The following PLCD3 variants were observed in gnomAD, a reference collection of about 807,000 sequenced individuals.
PLCD3 encodes the protein 1-phosphatidylinositol 4,5-bisphosphate phosphodiesterase delta-3.
PLCD3 carries 62 observed loss-of-function variants against 82.8 expected under a neutral mutation model. The ratio of observed to expected loss-of-function variants is 0.75; its 90% CI spans 0.61 to 0.93. PLCD3 has a LOEUF of 0.93. PLCD3 is among the 40% of genes least tolerant of loss of function. The pLI is 0.00. For synonymous variants in PLCD3, 478 were observed against 471.8 expected, an observed-to-expected ratio of 1.01 and a Z score of -0.17; for missense variants, 1,023 against 1,103.4, an observed-to-expected ratio of 0.93 and a Z score of 1.03.
chr17:45,132,354 G>A lies in PLCD3; in HGVS notation c.57C>T (p.Ala19=), dbSNP rs1342895493. The part of the protein sequence containing the change: ...CRRPPEEPPV[A]AQVAAQVAAP... Reference sequence around the variant, plus strand: ...CCGCGACTTGGGCTGCGACCTGGGCGGCCACCGGGGGCTCCTCGGGCGGGC... The same window carrying A: ...CCGCGACTTGGGCTGCGACCTGGGCAGCCACCGGGGGCTCCTCGGGCGGGC... The change falls in exon 1 of 15, where the codon GCC becomes GCT. Residue 19 remains alanine (A), a synonymous_variant. Coordinates refer to ENST00000619929, the MANE Select transcript of PLCD3 (RefSeq NM_133373.5). This position sits in a 1 kb window ranked among gnomAD's most constrained non-coding sequence, Gnocchi z 4.6. 15 of 1,231,022 alleles carry A rather than the reference G, an allele frequency of 1.2e-5. No homozygotes were observed. Among genetic ancestry groups the A allele is most frequent in the Non-Finnish European group, 2.0e-6 (2 of 987,150 alleles). 76.3% of individuals were successfully genotyped at this position (1,231,022 alleles called of 1,614,324 possible).
Position 45,132,319 on chromosome 17 carries a change from G to A in PLCD3, c.92C>T (p.Ala31Val). The change falls in exon 1 of 15, where the codon GCT (alanine) becomes GTT (valine). Residue 31 changes from alanine to valine, a missense_variant. Ala to Val is a moderately conservative substitution (Grantham distance 64, BLOSUM62 0). This residue lies in a region of PLCD3 where 448 missense variants were observed against 406.3 expected (regional missense o/e 1.10). Coordinates refer to ENST00000619929, the MANE Select transcript of PLCD3 (RefSeq NM_133373.5). This position sits in a 1 kb window ranked among gnomAD's most constrained non-coding sequence, Gnocchi z 4.6. Reference sequence around the variant, plus strand: ...GGAGGGAGTCGGCGGGGACGGGAGAGCGACCGGCGCCGCGACTTGGGCTGC... The same window carrying A: ...GGAGGGAGTCGGCGGGGACGGGAGAACGACCGGCGCCGCGACTTGGGCTGC... ...QVAAQVAAPV[A>V]LPSPPTPSDG... 4.8e-6 allele frequency: 6 copies of A among 1,244,402 alleles called. No individual in the cohort carries two copies. The highest frequency in any genetic ancestry group is 6.0e-6 in the Non-Finnish European group (6 of 993,588). 77.1% of individuals were successfully genotyped at this position (1,244,402 alleles called of 1,614,324 possible).
At position 45,115,372 on chromosome 17, in the gene PLCD3, T is replaced by C. The variant is rs1483473598; in HGVS notation, c.1532A>G (p.Glu511Gly). The C allele has an allele frequency of 1.5e-6, 2 of 1,356,686 alleles. No homozygotes were observed. Among genetic ancestry groups the C allele is most frequent in the African/African-American group, 1.7e-5 (1 of 57,160 alleles). The allele number at this position is 1,356,686 out of a possible 1,614,324, so 84.0% of individuals were successfully genotyped here. Residue 511 changes from glutamate (E) to glycine (G), a missense_variant, in exon 9 of 15, where the codon GAG becomes GGG. This residue lies in a region of PLCD3 where 553 missense variants were observed against 655.7 expected (regional missense o/e 0.84). Transcript: ENST00000619929. ...EEEDDEEEEEEVEAAAQRRLA... is the reference protein window; with the variant it reads ...EEEDDEEEEEGVEAAAQRRLA... Reference sequence around the variant, plus strand: ...CCGCCTCTGCGCTGCAGCCTCCACCTCCTCTTCTTCCTCCTCGTCATCCTC... The same window carrying C: ...CCGCCTCTGCGCTGCAGCCTCCACCCCCTCTTCTTCCTCCTCGTCATCCTC...
intron 7 of PLCD3, among the ~76,000 whole-genome samples, chr17:45,117,416 T>C (rs1252328421): frequency 6.6e-6 from 1 of 152,168 alleles, no homozygotes; most frequent in Non-Finnish European, 1.5e-5. Context: ...CAGCTAATTT[T>C]TATTTTTGTT....
At position 45,113,013 on chromosome 17, in the gene PLCD3, C is replaced by T. The variant is rs1367683246; in HGVS notation, c.2132-1G>A. On this transcript the variant is annotated splice_acceptor_variant, in intron 13 of 14. Transcript: ENST00000619929. LOFTEE classifies it high-confidence loss of function. Reference sequence around the variant, plus strand: ...GTCTGCCCCCAGCGGGGGTTGAAGCCTAGGGCACAGGGATGGCAGTCAGAG... The same window carrying T: ...GTCTGCCCCCAGCGGGGGTTGAAGCTTAGGGCACAGGGATGGCAGTCAGAG... 2.5e-6 allele frequency: 4 copies of T among 1,604,284 alleles called. No homozygotes were observed. Among genetic ancestry groups the T allele is most frequent in the Middle Eastern group, 3.3e-4 (2 of 6,014 alleles).
At chr17:45,125,377 T>A (rs1368327420) in intron 1 of PLCD3, among the ~76,000 whole-genome samples, 2 of 152,234 alleles carry the variant, frequency 1.3e-5, no homozygotes, top group Admixed American at 1.3e-4. Context: ...GGCAGGCAGA[T>A]CATTTGAGGT....
At position 45,116,159 on chromosome 17, in the gene PLCD3, C is replaced by T. The variant is rs530082984; in HGVS notation, c.1413+473G>A. Among the ~76,000 whole-genome samples, 79 of 152,304 alleles carry T rather than the reference C, an allele frequency of 5.2e-4. 1 individual carries two copies. The South Asian group carries it at 0.014, about 28-fold the overall frequency. ...AAATGTCTGGAGAGAGCCGAGGACGCGCTCTGGTGTCTGGGGGAGAGCAGG... is the reference window on the plus strand; with the variant it reads ...AAATGTCTGGAGAGAGCCGAGGACGTGCTCTGGTGTCTGGGGGAGAGCAGG... On this transcript the variant is annotated intron_variant, in intron 8 of 14. Transcript: ENST00000619929.
At position 45,120,363 on chromosome 17, in the gene PLCD3, C is replaced by T. The variant is rs752166413; in HGVS notation, c.646G>A (p.Val216Met). 1 of 1,614,020 alleles carries T rather than the reference C, an allele frequency of 6.2e-7. No homozygotes were observed. The highest frequency in any genetic ancestry group is 8.5e-7 in the Non-Finnish European group (1 of 1,179,872). Reference sequence around the variant, plus strand: ...TAGGCGTACATGTCGTTCATGTCCACGTTGACCATTCTCAGCAGGCTCTTG... The same window carrying T: ...TAGGCGTACATGTCGTTCATGTCCATGTTGACCATTCTCAGCAGGCTCTTG... Reference protein sequence around the residue: ...EIKSLLRMVNVDMNDMYAYLL... With the variant: ...EIKSLLRMVNMDMNDMYAYLL... Residue 216 changes from valine to methionine, a missense_variant, in exon 4 of 15, where the codon GTG becomes ATG. Physicochemically the swap from Val to Met is conservative, Grantham distance 21. Coordinates refer to ENST00000619929, the MANE Select transcript of PLCD3 (RefSeq NM_133373.5).
chr17:45,119,744 A>G (rs938351126), intron 4 of PLCD3, among the ~76,000 whole-genome samples: 1 of 152,240 alleles, frequency 6.6e-6, no homozygotes, highest in Non-Finnish European at 1.5e-5. Context: ...ATGAGAATTC[A>G]TGGAGCATCC....
intron 1 of PLCD3, among the ~76,000 whole-genome samples, chr17:45,121,718 C>T (rs2054342655): frequency 6.6e-6 from 1 of 152,312 alleles, no homozygotes; most frequent in African/African-American, 2.4e-5. Context: ...TGGCAGGGCG[C>T]GGTGGCTCAC....
In PLCD3 at chr17:45,120,434, T is replaced by C; in HGVS notation, c.575A>G (p.His192Arg). Reference protein sequence around the residue: ...RLDHWIHSYLHRADSNQDSKM... With the variant: ...RLDHWIHSYLRRADSNQDSKM... ...GCTGTCCTGGTTGGAGTCAGCCCGG[T>C]GCAGATAGGAGTGGATCCAGGTGTG... The change falls in exon 4 of 15, where the codon CAC (histidine) becomes CGC (arginine). Residue 192 changes from histidine to arginine, a missense_variant. This residue lies in a region of PLCD3 where 448 missense variants were observed against 406.3 expected (regional missense o/e 1.10). Transcript: ENST00000619929. 1.2e-6 allele frequency: 2 copies of C among 1,613,968 alleles called. No homozygotes were observed. The highest frequency in any genetic ancestry group is 1.7e-6 in the Non-Finnish European group (2 of 1,179,848).
intron 10 of PLCD3, 121 bp downstream of exon 10, chr17:45,114,973 C>T: frequency 7.3e-7 from 1 of 1,375,948 alleles, no homozygotes; most frequent in Non-Finnish European, 9.7e-7. Context: ...CAGCCCAGCC[C>T]CTCTTTGGGG....
In PLCD3 at chr17:45,113,489, TC is replaced by T. The variant is rs1436683328; in HGVS notation, c.1944del (p.Thr649ProfsTer19). On this transcript the variant is annotated frameshift_variant, in exon 12 of 15. Coordinates refer to ENST00000619929, the MANE Select transcript of PLCD3 (RefSeq NM_133373.5). LOFTEE classifies it high-confidence loss of function. ...LKPACLRQPD[S>X]TFDPEYPGPP... ...GGTCCTGGGTACTCGGGGTCAAAGG[TC>T]GAGTCAGGTTGCCGCAGGCAGGCAG... 1 of 1,593,108 alleles carries T rather than the reference TC, an allele frequency of 6.3e-7. No individual in the cohort carries two copies. Among genetic ancestry groups the T allele is most frequent in the Non-Finnish European group, 8.5e-7 (1 of 1,170,216 alleles).
chr17:45,130,422 G>A (rs1212161839), intron 1 of PLCD3, among the ~76,000 whole-genome samples: 17 of 152,146 alleles, frequency 1.1e-4, no homozygotes, highest in Admixed American at 7.2e-4. Flanking sequence ...CACTAATGGC[G>A]CTCAGCAAAC....
chr17:45,115,518 G>A (rs1017757718), intron 8 of PLCD3, 28 bp from the exon 9 acceptor site: 5 of 1,577,976 alleles, frequency 3.2e-6, no homozygotes, highest in Non-Finnish European at 4.3e-6. Context: ...GAGGATGAAG[G>A]GTTAGGCCTT....
Position 45,112,520 on chromosome 17 carries a change from G to A in PLCD3, c.*96C>T. 7.5e-7 allele frequency: 1 copy of A among 1,328,562 alleles called. No individual in the cohort carries two copies. Among genetic ancestry groups the A allele is most frequent in the South Asian group, 1.3e-5 (1 of 78,880 alleles). 82.3% of individuals were successfully genotyped at this position (1,328,562 alleles called of 1,614,324 possible). ...GTGGGCCAAGTGGGTGGGCTGGGGG[G>A]CTGGTACTCCCACCACCTGACTCCA... is the stretch of plus-strand genomic sequence containing the variant. On this transcript the variant is annotated 3_prime_UTR_variant, in exon 15 of 15. Transcript: ENST00000619929.
Position 45,118,951 on chromosome 17 carries a change from G to A in PLCD3, c.777C>T (p.Ile259=), listed in dbSNP as rs764100366. 1.2e-5 allele frequency: 20 copies of A among 1,612,544 alleles called. No homozygotes were observed. The highest frequency in any genetic ancestry group is 1.4e-5 in the Non-Finnish European group (17 of 1,179,706). Residue 259 remains isoleucine (I), a synonymous_variant, in exon 5 of 15, where the codon ATC becomes ATT. Coordinates refer to ENST00000619929, the MANE Select transcript of PLCD3 (RefSeq NM_133373.5). This position sits in a 1 kb window ranked among gnomAD's most constrained non-coding sequence, Gnocchi z 4.1. ...RLLKRPELEE[I]FHQYSGEDRV... Reference sequence around the variant, plus strand: ...GGTCCTCGCCCGAGTACTGATGGAAGATCTCCTCCAGCTCCGGCCGCTTCA... The same window carrying A: ...GGTCCTCGCCCGAGTACTGATGGAAAATCTCCTCCAGCTCCGGCCGCTTCA...
At chr17:45,124,151 C>T (rs2054363801) in intron 1 of PLCD3, among the ~76,000 whole-genome samples, 1 of 152,226 alleles carries the variant, frequency 6.6e-6, no homozygotes, top group Admixed American at 6.5e-5. Context: ...CTACCTAGGC[C>T]AGCCCTCTGA....
At chr17:45,120,589 T>TC in intron 3 of PLCD3, 135 bp from the exon 4 acceptor site, 1 of 1,144,300 alleles carries the variant, frequency 8.7e-7, no homozygotes, top group Non-Finnish European at 1.2e-6. Context: ...GCCTGTGCAC[T>TC]CCCCGAGCAC....
intron 8 of PLCD3, among the ~76,000 whole-genome samples, chr17:45,116,431 G>A (rs908124061): frequency 6.6e-6 from 1 of 152,052 alleles, no homozygotes; most frequent in African/African-American, 2.4e-5. Context: ...GTGTGGGGGG[G>A]TCTAGTCAAG....
Sources: gnomAD v4.1 joint callset for allele counts (sites outside exome capture counted in the v4.1 genomes callset) on GRCh38, gnomAD v4.1.1 for gene constraint, gnomAD v4.1.1 regional missense constraint, Gnocchi (gnomAD v3.1) non-coding constraint, MANE v1.5 for transcripts, NCBI Gene and HGNC (gene_info 2026-07-23, HGNC 2026-07-21) for gene names.